Variants in DDX18 observed in about 807,000 individuals in gnomAD.
The protein encoded by DDX18 is DEAD-box helicase 18.
A neutral mutation model predicts 73.5 loss-of-function variants in DDX18; 23 were observed. The ratio of observed to expected loss-of-function variants is 0.31; its 90% CI spans 0.23 to 0.44. DDX18 has a LOEUF of 0.44. Among genes scored for constraint, DDX18 ranks in the 20% least tolerant of loss-of-function variants. The pLI is 1.00. For missense variants in DDX18, 753 were observed against 792.9 expected, an observed-to-expected ratio of 0.95 and a Z score of 0.60; for synonymous variants, 268 against 282.7, an observed-to-expected ratio of 0.95 and a Z score of 0.52.
In DDX18 at chr2:117,824,725, A is replaced by G; in HGVS notation, c.1206+17A>G. 1 of 1,463,686 alleles carries G rather than the reference A, an allele frequency of 6.8e-7. No individual in the cohort carries two copies. Among genetic ancestry groups the G allele is most frequent in the South Asian group, 1.6e-5 (1 of 62,886 alleles). The allele number at this position is 1,463,686 out of a possible 1,614,324, so 90.7% of individuals were successfully genotyped here. A position where few individuals can be genotyped will look rare whatever the true frequency, so the allele number is the denominator to read the frequency against. On this transcript the variant is annotated intron_variant, in intron 8 of 13. Transcript: ENST00000263239. Reference sequence around the variant, plus strand: ...CTTGAACAGGTACTTTTTATCAATAACTGAAAACTGTAGGGATCTTACTTG... The same window carrying G: ...CTTGAACAGGTACTTTTTATCAATAGCTGAAAACTGTAGGGATCTTACTTG...
At chr2:117,828,881 G>A (rs1316858779) in intron 11 of DDX18, 68 bp from the exon 12 acceptor site, 55 of 1,131,040 alleles carry the variant, frequency 4.9e-5, no homozygotes, top group Non-Finnish European at 6.6e-5. Context: ...ATCCTTCCCT[G>A]TCTTCAGTAC....
chr2:117,826,133 G>A lies in DDX18; in HGVS notation c.1522-136G>A, dbSNP rs896326293. ...TGCTGGCCCAGCTTTGTGGGGGTGT[G>A]GTGAAGGTGTGTGTGGCCCAGCACC... is the stretch of plus-strand genomic sequence containing the variant. On this transcript the variant is annotated intron_variant, in intron 10 of 13. Transcript: ENST00000263239. 2.0e-5 allele frequency: 12 copies of A among 604,460 alleles called. No individual in the cohort carries two copies. The African/African-American group carries it at 2.1e-4, about 11-fold the overall frequency. The allele number at this position is 604,460 out of a possible 1,614,324, so 37.4% of individuals were successfully genotyped here. A position where few individuals can be genotyped will look rare whatever the true frequency, so the allele number is the denominator to read the frequency against.
chr2:117,815,902 C>T, intron 1 of DDX18, among the ~76,000 whole-genome samples: 1 of 152,074 alleles, frequency 6.6e-6, no homozygotes, highest in Non-Finnish European at 1.5e-5. Flanking sequence ...TTACACAAAC[C>T]TAAATCTACT....
intron 11 of DDX18, chr2:117,828,118 GTCT>G (rs2104626867): frequency 6.6e-6 from 1 of 152,304 alleles, no homozygotes; most frequent in South Asian, 2.1e-4. Flanking sequence ...CTGCCTAAAT[GTCT>G]TCTTTTGAGA....
At chr2:117,828,085 G>A (rs914705987) in intron 11 of DDX18, 1 of 152,208 alleles carries the variant, frequency 6.6e-6, no homozygotes, top group Non-Finnish European at 1.5e-5. Context: ...CAGTGATGAT[G>A]AGCATATTTT....
In DDX18 at chr2:117,830,649, C is replaced by T; in HGVS notation, c.1938C>T (p.Thr646=). 1 of 1,613,598 alleles carries T rather than the reference C, an allele frequency of 6.2e-7. No individual in the cohort carries two copies. Among genetic ancestry groups the T allele is most frequent in the Non-Finnish European group, 8.5e-7 (1 of 1,179,712 alleles). ...GGGGGFGYQK[T]KKVEKSKIFK... ...GTGGTGGATTTGGCTACCAGAAAAC[C>T]AAGAAAGTTGAGAAATCCAAAATCT... Residue 646 remains threonine (T), a synonymous_variant, in exon 14 of 14, where the codon ACC becomes ACT. Transcript: ENST00000263239.
At chr2:117,816,223 C>A (rs985286264) in intron 1 of DDX18, among the ~76,000 whole-genome samples, 1 of 152,174 alleles carries the variant, frequency 6.6e-6, no homozygotes, top group African/African-American at 2.4e-5. Flanking sequence ...ACACTGTACA[C>A]TTGGGCTACA....
chr2:117,822,500 C>G (rs1679863053), intron 7 of DDX18: 16 of 404,894 alleles, frequency 4.0e-5, no homozygotes, highest in South Asian at 3.6e-4. Flanking sequence ...TAGGTCCTGT[C>G]CTCCACCTCT....
rs1369148353 is a variant in DDX18, at chr2:117,822,204, C to G, written c.1009C>G (p.Arg337Gly). 8 of 1,613,618 alleles carry G rather than the reference C, an allele frequency of 5.0e-6. No homozygotes were observed. Among genetic ancestry groups the G allele is most frequent in the Non-Finnish European group, 6.8e-6 (8 of 1,179,832 alleles). The part of the protein sequence containing the change: ...LQCLVIDEAD[R>G]ILDVGFEEEL... ...GTGTCTGGTTATTGATGAAGCTGAT[C>G]GTATCTTGGATGTGGGGTTTGAAGA... The change falls in exon 7 of 14, where the codon CGT becomes GGT. Residue 337 changes from arginine to glycine, a missense_variant. Physicochemically the swap from Arg to Gly is moderately radical, Grantham distance 125 (BLOSUM62 -2). Around this residue, in one of 3 missense-constraint regions of DDX18, gnomAD observed 402 missense variants for 419.4 expected, o/e 0.96. Coordinates refer to ENST00000263239, the MANE Select transcript of DDX18 (RefSeq NM_006773.4).
At chr2:117,823,537 AC>A (rs977774551) in intron 7 of DDX18, among the ~76,000 whole-genome samples, 1 of 152,244 alleles carries the variant, frequency 6.6e-6, no homozygotes, top group African/African-American at 2.4e-5. Flanking sequence ...TTAATCCTGT[AC>A]CGAATGATTA....
At chr2:117,822,335 A>T in intron 7 of DDX18, 74 bp downstream of exon 7, 1 of 1,208,798 alleles carries the variant, frequency 8.3e-7, no homozygotes, top group South Asian at 1.3e-5. Flanking sequence ...CTATAGAAAA[A>T]CTGTACTAAT....
intron 3 of DDX18, among the ~76,000 whole-genome samples, chr2:117,820,579 G>C (rs1053712704): frequency 3.3e-5 from 5 of 152,208 alleles, no homozygotes; most frequent in Admixed American, 1.3e-4. Context: ...ATTCAGCCCA[G>C]ATGTCAGCAA....
chr2:117,825,361 T>TAA, intron 9 of DDX18, 86 bp from the exon 10 acceptor site: 2 of 1,364,454 alleles, frequency 1.5e-6, no homozygotes, highest in Non-Finnish European at 1.9e-6. Context: ...GAGCTCGAAA[T>TAA]AGGGTAACAG....
chr2:117,824,788 G>A, intron 8 of DDX18, 80 bp downstream of exon 8: 2 of 1,479,090 alleles, frequency 1.4e-6, no homozygotes, highest in Admixed American at 2.5e-5. Flanking sequence ...CATTCAGAAA[G>A]CAAATGGGTT....
intron 11 of DDX18, chr2:117,828,623 A>G: frequency 4.4e-6 from 1 of 224,978 alleles, no homozygotes; most frequent in Non-Finnish European, 8.7e-6. Context: ...CATGGAGAAA[A>G]GGGGCTGATG....
intron 11 of DDX18, chr2:117,828,108 C>T (rs943483909): frequency 6.6e-6 from 1 of 152,168 alleles, no homozygotes; most frequent in Non-Finnish European, 1.5e-5. Flanking sequence ...TGTCTGTTGG[C>T]TGCCTAAATG....
At chr2:117,829,196 G>A (rs916564112) in intron 12 of DDX18, 93 bp from the exon 13 acceptor site, 44 of 1,356,908 alleles carry the variant, frequency 3.2e-5, no homozygotes, top group Middle Eastern at 1.9e-4. Context: ...TGTTTTCCAT[G>A]GAGTGGCTTT....
intron 3 of DDX18, 117 bp downstream of exon 3, chr2:117,819,909 C>T: frequency 9.9e-7 from 1 of 1,007,902 alleles, no homozygotes; most frequent in Admixed American, 3.8e-5. Flanking sequence ...TAACTATCAA[C>T]AAGAAACTTT....
At position 117,826,484 on chromosome 2, in the gene DDX18, T is replaced by A; in HGVS notation, c.1635+102T>A. Reference sequence around the variant, plus strand: ...GGAGTCTCGAGTCTGGCCAGTGCTGTTACAACCATTCTTATGGCAATTAAG... The same window carrying A: ...GGAGTCTCGAGTCTGGCCAGTGCTGATACAACCATTCTTATGGCAATTAAG... On this transcript the variant is annotated intron_variant, in intron 11 of 13. Transcript: ENST00000263239. 2.8e-6 allele frequency: 3 copies of A among 1,056,000 alleles called. No homozygotes were observed. In the South Asian group the frequency reaches 4.4e-5, roughly 15 times the overall value. The allele number at this position is 1,056,000 out of a possible 1,614,324, so 65.4% of individuals were successfully genotyped here. A position where few individuals can be genotyped will look rare whatever the true frequency, so the allele number is the denominator to read the frequency against.
Sources: allele counts gnomAD v4.1 joint callset (sites outside exome capture counted in the v4.1 genomes callset), GRCh38; gene constraint gnomAD v4.1.1; regional missense constraint gnomAD v4.1.1; transcripts MANE v1.5; gene names NCBI Gene and HGNC (gene_info 2026-07-23, HGNC 2026-07-21).